AFF2: variants seen among roughly 807,000 people sequenced by gnomAD.
The protein encoded by AFF2 is ALF transcription elongation factor 2.
AFF2 carries 14 observed loss-of-function variants against 76.9 expected under a neutral mutation model. The observed-to-expected ratio is 0.18, with a 90% CI of 0.12 to 0.28. AFF2 has a LOEUF of 0.28. Among genes scored for constraint, AFF2 ranks in the 10% least tolerant of loss-of-function variants. The pLI is 1.00. For missense variants in AFF2, 868 were observed against 1,001.1 expected (o/e 0.87, Z 1.79); for synonymous variants, 398 against 366.7 (o/e 1.09, Z -0.98).
In AFF2 at chrX:148,994,170, A is replaced by G. The variant is rs1557292693; in HGVS notation, c.*2838A>G. On this transcript the variant is annotated 3_prime_UTR_variant, in exon 21 of 21. Transcript: ENST00000370460. Reference sequence around the variant, plus strand: ...AAGCTCCATCTGAGCAAGTACACCAAATGATCTCAGCCCTGCAACTTGACC... The same window carrying G: ...AAGCTCCATCTGAGCAAGTACACCAGATGATCTCAGCCCTGCAACTTGACC... 1 of 111,769 alleles carries G rather than the reference A, an allele frequency of 8.9e-6. No homozygotes were observed. 9.2% of individuals were successfully genotyped at this position (111,769 alleles called of 1,213,427 possible).
intron 3 of AFF2, among the ~76,000 whole-genome samples, chrX:148,681,754 G>A (rs782419702): frequency 1.8e-5 from 2 of 110,391 alleles, no homozygotes; most frequent in Non-Finnish European, 3.8e-5. Flanking sequence ...AAAGAGGAAC[G>A]GAATGTTAAA....
chrX:148,549,642 G>T (rs782279350), intron 1 of AFF2, among the ~76,000 whole-genome samples: 1 of 111,893 alleles, frequency 8.9e-6, no homozygotes, highest in African/African-American at 3.2e-5. Flanking sequence ...TTTACAGAGG[G>T]ATTAGTGAGC....
chrX:148,975,807 A>G (rs1557290169), intron 16 of AFF2, among the ~76,000 whole-genome samples: 3 of 98,902 alleles, frequency 3.0e-5, no homozygotes, highest in Admixed American at 1.1e-4. Context: ...AGCCGGGCGT[A>G]GTGGCGGGCG....
chrX:148,656,117 T>C (rs1048733087), intron 2 of AFF2, among the ~76,000 whole-genome samples: 7 of 112,016 alleles, frequency 6.2e-5, no homozygotes, highest in Admixed American at 4.7e-4. Flanking sequence ...GCTAATTTCT[T>C]TCCCTTCTTT....
intron 1 of AFF2, among the ~76,000 whole-genome samples, chrX:148,565,492 A>G (rs1201099893): frequency 9.0e-6 from 1 of 111,544 alleles, no homozygotes; most frequent in Non-Finnish European, 1.9e-5. Context: ...CGAGTATGTT[A>G]GTTTTAGCTT....
At position 148,893,503 on chromosome X, in the gene AFF2, C is replaced by G. The variant is rs782106132; in HGVS notation, c.1359+7518C>G. ...TTATGTATTGTGCTTATCTCATGGT[C>G]AGTAATGACCAAATACTGGCTAGTG... On this transcript the variant is annotated intron_variant, in intron 8 of 20. Transcript: ENST00000370460. Among the ~76,000 whole-genome samples the G allele has an allele frequency of 2.5e-3, 281 of 111,986 alleles. 1 individual carries two copies. Among genetic ancestry groups the G allele is most frequent in the African/African-American group, 8.6e-3 (264 of 30,876 alleles).
intron 4 of AFF2, among the ~76,000 whole-genome samples, chrX:148,835,484 CTTTT>C (rs11354092): frequency 3.4e-5 from 2 of 58,953 alleles, no homozygotes; most frequent in Non-Finnish European, 3.5e-5. Flanking sequence ...ACGTCACATA[CTTTT>C]TTTTTTTTTT....
At chrX:148,690,555 G>A (rs2054640576) in intron 3 of AFF2, among the ~76,000 whole-genome samples, 1 of 112,219 alleles carries the variant, frequency 8.9e-6, no homozygotes, top group African/African-American at 3.2e-5. Context: ...CCTCAGTCCA[G>A]TCTCCTTTCT....
At chrX:148,807,861 A>C (rs1160961041) in intron 3 of AFF2, among the ~76,000 whole-genome samples, 1 of 112,617 alleles carries the variant, frequency 8.9e-6, no homozygotes, top group Non-Finnish European at 1.9e-5. Flanking sequence ...GTTGAGAATT[A>C]CCAGTTTAGT....
At chrX:148,781,838 C>T (rs1313807560) in intron 3 of AFF2, among the ~76,000 whole-genome samples, 5 of 111,677 alleles carry the variant, frequency 4.5e-5, no homozygotes, top group African/African-American at 6.5e-5. Flanking sequence ...TGTAGGCACC[C>T]GAGGGAATCT....
Position 148,585,576 on chromosome X carries a change from A to G in AFF2, c.48-66423A>G, listed in dbSNP as rs782658399. Among the ~76,000 whole-genome samples, 7 of 111,127 alleles carry G rather than the reference A, an allele frequency of 6.3e-5. No homozygotes were observed. The Admixed American group carries it at 6.7e-4, about 11-fold the overall frequency. On this transcript the variant is annotated intron_variant, in intron 1 of 20. Coordinates refer to ENST00000370460, the MANE Select transcript of AFF2 (RefSeq NM_002025.4). ...CTGAGTAGGCCGGGCGCGGTGGCTC[A>G]CACCTGTATTCCCAGCACTTTGGGA...
At chrX:148,742,749 T>C (rs1334664188) in intron 3 of AFF2, among the ~76,000 whole-genome samples, 1 of 111,949 alleles carries the variant, frequency 8.9e-6, no homozygotes, top group Non-Finnish European at 1.9e-5. Context: ...AGGAATAGGA[T>C]GACCGGTTGC....
At position 148,853,100 on chromosome X, in the gene AFF2, G is replaced by T. The variant is rs1368555495; in HGVS notation, c.1262+9667G>T. Among the ~76,000 whole-genome samples the T allele has an allele frequency of 4.5e-5, 5 of 111,437 alleles. No individual in the cohort carries two copies. In the Admixed American group the frequency reaches 4.8e-4, roughly 11 times the overall value. ...TCAAACCTTTTTTAATACCCTGTTT[G>T]CCTCACCCACATAAAGTTTCAACTG... is the stretch of plus-strand genomic sequence containing the variant. On this transcript the variant is annotated intron_variant, in intron 7 of 20. Coordinates refer to ENST00000370460, the MANE Select transcript of AFF2 (RefSeq NM_002025.4).
intron 3 of AFF2, among the ~76,000 whole-genome samples, chrX:148,742,839 T>C (rs181617783): frequency 1.6e-4 from 18 of 112,353 alleles, no homozygotes; most frequent in Non-Finnish European, 3.2e-4. Flanking sequence ...CTTTCTGCAA[T>C]CACTCAAGAG....
intron 3 of AFF2, among the ~76,000 whole-genome samples, chrX:148,684,254 A>G (rs1557260161): frequency 8.9e-6 from 1 of 112,193 alleles, no homozygotes. Context: ...TAATTAATGC[A>G]TATTATTGGC....
At chrX:148,582,320 A>G (rs1313953367) in intron 1 of AFF2, among the ~76,000 whole-genome samples, 2 of 111,578 alleles carry the variant, frequency 1.8e-5, no homozygotes, top group Non-Finnish European at 3.8e-5. Flanking sequence ...TTCTTTGTAA[A>G]TAGTAAATAT....
chrX:148,598,010 G>A (rs2053591774), intron 1 of AFF2, among the ~76,000 whole-genome samples: 1 of 111,716 alleles, frequency 9.0e-6, no homozygotes, highest in African/African-American at 3.3e-5. Context: ...AGGAGTTGGG[G>A]GATTTTAAAT....
chrX:148,576,119 T>C (rs2053284896), intron 1 of AFF2, among the ~76,000 whole-genome samples: 1 of 111,607 alleles, frequency 9.0e-6, no homozygotes, highest in South Asian at 3.6e-4. Flanking sequence ...GGAAAGATCA[T>C]AGGCAGCAGC....
At chrX:148,845,190 G>GA (rs1557274641) in intron 7 of AFF2, among the ~76,000 whole-genome samples, 3 of 108,740 alleles carry the variant, frequency 2.8e-5, no homozygotes, top group Non-Finnish European at 5.7e-5. Context: ...TTCCAAACTT[G>GA]AAAAAAATAT....
Sources: gnomAD v4.1 joint callset for allele counts (sites outside exome capture counted in the v4.1 genomes callset) on GRCh38, gnomAD v4.1.1 for gene constraint, MANE v1.5 for transcripts, NCBI Gene and HGNC (gene_info 2026-07-23, HGNC 2026-07-21) for gene names.